The following PRICKLE2 variants were observed in gnomAD, a reference collection of about 807,000 sequenced individuals.
PRICKLE2 encodes the protein prickle planar cell polarity protein 2.
In PRICKLE2, 21 loss-of-function variants were observed where a neutral mutation model predicts 81.4. That is an observed-to-expected ratio of 0.26 (90% confidence interval 0.18 to 0.37). The LOEUF is 0.37. PRICKLE2 is among the 10% of genes least tolerant of loss of function. PRICKLE2 has a pLI of 1.00. For missense variants in PRICKLE2, 940 were observed against 1,109.0 expected, an observed-to-expected ratio of 0.85 and a Z score of 2.16; for synonymous variants, 456 against 421.5, an observed-to-expected ratio of 1.08 and a Z score of -1.00.
At chr3:64,221,903 A>G (rs995536115) in intron 1 of PRICKLE2, among the ~76,000 whole-genome samples, 3 of 152,188 alleles carry the variant, frequency 2.0e-5, no homozygotes, top group Non-Finnish European at 4.4e-5. Flanking sequence ...TGTTTATTAA[A>G]AGAAGCACTA....
intron 6 of PRICKLE2, among the ~76,000 whole-genome samples, chr3:64,149,741 AC>A (rs1480691668): frequency 3.3e-5 from 5 of 152,146 alleles, no homozygotes; most frequent in African/African-American, 1.2e-4. Context: ...CAAGCAGCCT[AC>A]CTTTCTCCTC....
At chr3:64,217,714 T>C (rs1224220867) in intron 1 of PRICKLE2, among the ~76,000 whole-genome samples, 1 of 152,146 alleles carries the variant, frequency 6.6e-6, no homozygotes, top group Non-Finnish European at 1.5e-5. Context: ...TGAGAAGGAC[T>C]CTGGGGATGC....
At chr3:64,102,422 C>T (rs1277338189) in intron 7 of PRICKLE2, 2 of 152,190 alleles carry the variant, frequency 1.3e-5, no homozygotes, top group Admixed American at 1.3e-4. Flanking sequence ...GGAGTGTAAA[C>T]CCTGTTGTGA....
intron 1 of PRICKLE2, chr3:64,200,654 C>G (rs1241752014): frequency 6.6e-6 from 1 of 151,266 alleles, no homozygotes; most frequent in Non-Finnish European, 1.5e-5. Flanking sequence ...CTCACTCTGT[C>G]GCCCAGGCTG....
chr3:64,266,669 G>A (rs2079714486), intron 2 of PRICKLE2, among the ~76,000 whole-genome samples: 1 of 152,112 alleles, frequency 6.6e-6, no homozygotes, highest in South Asian at 2.1e-4. Context: ...TTCCCCAAGT[G>A]GTATTTGTTC....
chr3:64,156,444 A>G (rs556292961), intron 5 of PRICKLE2, among the ~76,000 whole-genome samples: 3 of 152,308 alleles, frequency 2.0e-5, no homozygotes, highest in Admixed American at 1.3e-4. Flanking sequence ...TTTTACCCAA[A>G]TTATTCCCAT....
chr3:64,213,077 C>CTT (rs374873926), intron 1 of PRICKLE2, among the ~76,000 whole-genome samples: 16,578 of 125,332 alleles, frequency 0.13, 1,302 homozygotes, highest in East Asian at 0.4. Flanking sequence ...GTTTTTTGTT[C>CTT]TTTTTTTTTT....
At chr3:64,211,305 A>T (rs1053164602) in intron 1 of PRICKLE2, among the ~76,000 whole-genome samples, 1 of 152,226 alleles carries the variant, frequency 6.6e-6, no homozygotes, top group African/African-American at 2.4e-5. Flanking sequence ...TTTACTGTGT[A>T]CCATGCATTG....
chr3:64,131,744 A>G (rs2077200031), intron 7 of PRICKLE2, among the ~76,000 whole-genome samples: 1 of 152,168 alleles, frequency 6.6e-6, no homozygotes, highest in Non-Finnish European at 1.5e-5. Flanking sequence ...TTATAAATGG[A>G]AAGTTCTCCA....
intron 2 of PRICKLE2, among the ~76,000 whole-genome samples, chr3:64,196,759 A>G (rs1195701142): frequency 6.6e-6 from 1 of 152,196 alleles, no homozygotes; most frequent in African/African-American, 2.4e-5. Context: ...GGTTTCAGGA[A>G]GGTAACACAA....
rs1395654921 is a variant in PRICKLE2 at position 64,143,156 on chromosome 3, A to C, written c.1660+3674T>G. 2.6e-5 allele frequency among the ~76,000 whole-genome samples: 4 copies of C among 152,334 alleles called. No individual in the cohort carries two copies. The East Asian group carries it at 7.7e-4, about 29-fold the overall frequency. On this transcript the variant is annotated intron_variant, in intron 7 of 7. Transcript: ENST00000638394. ...AGCCACAGGAGGCTATTGAAATTTA[A>C]AAGAATTAAAATTAAATAAAATTTA...
At chr3:64,239,547 T>C (rs2079231196) in intron 2 of PRICKLE2, among the ~76,000 whole-genome samples, 1 of 152,008 alleles carries the variant, frequency 6.6e-6, no homozygotes, top group Non-Finnish European at 1.5e-5. Flanking sequence ...AATCCTGTAA[T>C]CCTTTGGGAC....
rs576033182 is a variant in PRICKLE2, at chr3:64,120,260, A to G, written c.1661-20335T>C. 6.6e-5 allele frequency among the ~76,000 whole-genome samples: 10 copies of G among 152,340 alleles called. No individual in the cohort carries two copies. In the East Asian group the frequency reaches 9.7e-4, roughly 15 times the overall value. ...TCTAATAAAATAGAAGCTATGGAAT[A>G]AAGGTCTTAGGTAAGAATTAAGTTT... On this transcript the variant is annotated intron_variant, in intron 7 of 7. Transcript: ENST00000638394.
chr3:64,205,806 C>T (rs1231319991), intron 1 of PRICKLE2, among the ~76,000 whole-genome samples: 2 of 152,050 alleles, frequency 1.3e-5, no homozygotes, highest in Non-Finnish European at 2.9e-5. Context: ...AAACAGAAAA[C>T]AGGGCTGCCC....
In PRICKLE2 at chr3:64,094,582, C is replaced by T. The variant is rs1230881559; in HGVS notation, c.*4469G>A. 1 of 152,152 alleles carries T rather than the reference C, an allele frequency of 6.6e-6. No individual in the cohort carries two copies. The highest frequency in any genetic ancestry group is 1.5e-5 in the Non-Finnish European group (1 of 68,032). 9.4% of individuals were successfully genotyped at this position (152,152 alleles called of 1,614,324 possible). A position where few individuals can be genotyped will look rare whatever the true frequency, so the allele number is the denominator to read the frequency against. On this transcript the variant is annotated 3_prime_UTR_variant, in exon 8 of 8. Coordinates refer to ENST00000638394, the MANE Select transcript of PRICKLE2 (RefSeq NM_198859.4). ...GTAAGCTTATAAAATAGTATGGCTC[C>T]CAATAGTGAGTCATATTTTATGGGA...
intron 7 of PRICKLE2, among the ~76,000 whole-genome samples, chr3:64,112,634 C>T (rs951272261): frequency 1.3e-5 from 2 of 152,060 alleles, no homozygotes; most frequent in African/African-American, 2.4e-5. Flanking sequence ...AAGTTTTGGG[C>T]TCTCAAAAAA....
Position 64,163,065 on chromosome 3 carries a change from T to A in PRICKLE2, c.209A>T (p.Lys70Ile). ...GTGTAGTAGCTGCTTGATTCGCAGT[T>A]TCTCTCCAGGACTGTTGACATAAGG... ...KVPYVNSPGE[K>I]LRIKQLLHQL... The change falls in exon 3 of 8, where the codon AAA becomes ATA. Residue 70 changes from lysine (K) to isoleucine (I), a missense_variant. Lys to Ile is a moderately radical substitution (Grantham distance 102). Transcript: ENST00000638394. 6.2e-7 allele frequency: 1 copy of A among 1,614,118 alleles called. No individual in the cohort carries two copies. The highest frequency in any genetic ancestry group is 8.5e-7 in the Non-Finnish European group (1 of 1,179,976).
intron 7 of PRICKLE2, among the ~76,000 whole-genome samples, chr3:64,108,746 T>C (rs1215016792): frequency 2.0e-5 from 3 of 152,252 alleles, no homozygotes; most frequent in Non-Finnish European, 2.9e-5. Flanking sequence ...AGGACGATTT[T>C]CTTTGCAACA....
At chr3:64,136,673 G>C (rs2077284974) in intron 7 of PRICKLE2, among the ~76,000 whole-genome samples, 2 of 152,034 alleles carry the variant, frequency 1.3e-5, no homozygotes, top group African/African-American at 4.8e-5. Context: ...GGTCGGTGCA[G>C]AATCACCCAT....
Sources: allele counts gnomAD v4.1 joint callset (sites outside exome capture counted in the v4.1 genomes callset), GRCh38; gene constraint gnomAD v4.1.1; transcripts MANE v1.5; gene names NCBI Gene and HGNC (gene_info 2026-07-23, HGNC 2026-07-21).